The following DPP9 variants were observed in gnomAD, a reference collection of about 807,000 sequenced individuals.
DPP9 encodes the protein dipeptidyl peptidase 9.
In DPP9, 50 loss-of-function variants were observed where a neutral mutation model predicts 110.7. The ratio of observed to expected loss-of-function variants is 0.45; its 90% confidence interval spans 0.36 to 0.57. The LOEUF (loss-of-function observed/expected upper bound fraction) is 0.57, where lower values mean the gene tolerates loss of function less well. DPP9 is among the 20% of genes least tolerant of loss of function. The probability of loss-of-function intolerance (pLI) is 0.00; values close to 1 mark genes in which losing one functional copy is unlikely to be tolerated. For synonymous variants in DPP9, 561 were observed against 514.4 expected (o/e 1.09, Z -1.23); for missense variants, 1,022 against 1,217.9 (o/e 0.84, Z 2.39).
In DPP9 at chr19:4,689,826, A is replaced by G; in HGVS notation, c.1597-104T>C. The G allele has an allele frequency of 7.9e-7, 1 of 1,261,272 alleles. No homozygotes were observed. Among genetic ancestry groups the G allele is most frequent in the Non-Finnish European group, 1.1e-6 (1 of 933,706 alleles). 78.1% of individuals were successfully genotyped at this position (1,261,272 alleles called of 1,614,324 possible). A position where few individuals can be genotyped will look rare whatever the true frequency, so the allele number is the denominator to read the frequency against. On this transcript the variant is annotated intron_variant, in intron 14 of 21. Transcript: ENST00000262960. The surrounding 1 kb of genome is among the most constrained non-coding windows in gnomAD (Gnocchi z 7.0). ...GGGCCCCATGTTCCTCGGACTGGGG[A>G]CGCATGCTGTCCTCGCCCAAGTCTG... is the stretch of plus-strand genomic sequence containing the variant.
chr19:4,683,558 C>T lies in DPP9; in HGVS notation c.2250G>A (p.Leu750=), dbSNP rs1049584511. The change falls in exon 19 of 22, where the codon CTG becomes CTA. Residue 750 remains leucine (L), a synonymous_variant. Transcript: ENST00000262960. ...ACCAGCCATGGATGGCAACTCGGCTCAGGTCGATGAAGCCATACTTCTCGG... is the reference window on the plus strand; with the variant it reads ...ACCAGCCATGGATGGCAACTCGGCTTAGGTCGATGAAGCCATACTTCTCGG... ...FVAEKYGFID[L]SRVAIHGWSY... is the part of the protein sequence containing the mutation. The T allele has an allele frequency of 5.6e-6, 9 of 1,613,334 alleles. No homozygotes were observed. The highest frequency in any genetic ancestry group is 7.6e-6 in the Non-Finnish European group (9 of 1,179,866).
At chr19:4,703,363 G>C (rs2092402169) in intron 7 of DPP9, among the ~76,000 whole-genome samples, 1 of 151,664 alleles carries the variant, frequency 6.6e-6, no homozygotes, top group African/African-American at 2.4e-5. Flanking sequence ...GGTAGCTCAT[G>C]CCTGTAATCT....
chr19:4,677,773 C>A (rs374889112), intron 21 of DPP9, among the ~76,000 whole-genome samples: 11 of 152,208 alleles, frequency 7.2e-5, no homozygotes, highest in African/African-American at 2.7e-4. Flanking sequence ...TGCCTTTATG[C>A]CACTCTGGGT....
chr19:4,685,872 C>T lies in DPP9; in HGVS notation c.1886-101G>A. 7.2e-7 allele frequency: 1 copy of T among 1,385,032 alleles called. No individual in the cohort carries two copies. Among genetic ancestry groups the T allele is most frequent in the Non-Finnish European group, 9.7e-7 (1 of 1,026,656 alleles). 85.8% of individuals were successfully genotyped at this position (1,385,032 alleles called of 1,614,324 possible). A position where few individuals can be genotyped will look rare whatever the true frequency, so the allele number is the denominator to read the frequency against. On this transcript the variant is annotated intron_variant, in intron 16 of 21. Coordinates refer to ENST00000262960, the MANE Select transcript of DPP9 (RefSeq NM_139159.5). The surrounding 1 kb of genome is among the most constrained non-coding windows in gnomAD (Gnocchi z 5.8). ...CCAAGCCTTGGAGGGTGGACCAAAG[C>T]ACCCCCTCTTTTCCTGGGCTTCCCG... is the stretch of plus-strand genomic sequence containing the variant.
chr19:4,694,586 C>T lies in DPP9; in HGVS notation c.1516+75G>A, dbSNP rs2091624216. On this transcript the variant is annotated intron_variant, in intron 13 of 21. Coordinates refer to ENST00000262960, the MANE Select transcript of DPP9 (RefSeq NM_139159.5). The surrounding 1 kb of genome is among the most constrained non-coding windows in gnomAD (Gnocchi z 4.0). ...TGTGCTGGCTGAGTGGGGGGGCCGACCAATGAACAAACAGCATATTGAACC... is the reference window on the plus strand; with the variant it reads ...TGTGCTGGCTGAGTGGGGGGGCCGATCAATGAACAAACAGCATATTGAACC... 6 of 1,531,456 alleles carry T rather than the reference C, an allele frequency of 3.9e-6. No individual in the cohort carries two copies. Among genetic ancestry groups the T allele is most frequent in the East Asian group, 2.4e-5 (1 of 41,088 alleles). The allele number at this position is 1,531,456 out of a possible 1,614,324, so 94.9% of individuals were successfully genotyped here. A position where few individuals can be genotyped will look rare whatever the true frequency, so the allele number is the denominator to read the frequency against.
rs369926672 is a variant in DPP9, at chr19:4,722,599, C to T, written c.-88-48G>A. 3 of 701,860 alleles carry T rather than the reference C, an allele frequency of 4.3e-6. No homozygotes were observed. The South Asian group carries it at 4.4e-5, about 10-fold the overall frequency. The allele number at this position is 701,860 out of a possible 1,614,324, so 43.5% of individuals were successfully genotyped here. On this transcript the variant is annotated intron_variant, in intron 1 of 21. Transcript: ENST00000262960. ...GAATGTGGCAGGTTAATGGAAGCAC[C>T]GGCCAGCCGTTCAGCCTCCCCCACT... is the stretch of plus-strand genomic sequence containing the variant.
rs1568336054 is a variant in DPP9, at chr19:4,718,293, TG to T, written c.56+1557del. Among the ~76,000 whole-genome samples the T allele has an allele frequency of 6.6e-6, 1 of 151,782 alleles. No individual in the cohort carries two copies. Among genetic ancestry groups the T allele is most frequent in the East Asian group, 1.9e-4 (1 of 5,156 alleles). On this transcript the variant is annotated intron_variant, in intron 3 of 21. Coordinates refer to ENST00000262960, the MANE Select transcript of DPP9 (RefSeq NM_139159.5). This position sits in a 1 kb window ranked among gnomAD's most constrained non-coding sequence, Gnocchi z 4.3. ...GCGGGGGCGGGGGAGTAGTTGGAGA[TG>T]GGGGAAGTATTTGGACGCCTAGAAG...
At chr19:4,699,565 G>A (rs2092086622) in intron 10 of DPP9, among the ~76,000 whole-genome samples, 2 of 152,110 alleles carry the variant, frequency 1.3e-5, no homozygotes, top group Admixed American at 1.3e-4. Flanking sequence ...AGGGAGATGC[G>A]GTCACAGGTG....
At chr19:4,691,310 CAAA>C (rs905650905) in intron 13 of DPP9, among the ~76,000 whole-genome samples, 2 of 144,518 alleles carry the variant, frequency 1.4e-5, no homozygotes, top group African/African-American at 5.1e-5. Flanking sequence ...CCTGTCTCTC[CAAA>C]AAAAAAAGAA....
At chr19:4,679,812 C>T (rs764917837) in intron 21 of DPP9, 23 bp downstream of exon 21, 11 of 1,558,502 alleles carry the variant, frequency 7.1e-6, no homozygotes, top group Non-Finnish European at 9.6e-6. Flanking sequence ...GCGGAGGGGC[C>T]GAAGCCCCCA....
chr19:4,676,481 GGGCCACT>G lies in DPP9; in HGVS notation c.*76_*82del. On this transcript the variant is annotated 3_prime_UTR_variant, in exon 22 of 22. Transcript: ENST00000262960. The surrounding 1 kb of genome is among the most constrained non-coding windows in gnomAD (Gnocchi z 4.0). Reference sequence around the variant, plus strand: ...GACAAAGTGCCTCACTGGGGCCCGCGGGCCACTCAGTCCCTCCCGCCTGGTTCCCCGC... The same window carrying G: ...GACAAAGTGCCTCACTGGGGCCCGCGCAGTCCCTCCCGCCTGGTTCCCCGC... The G allele has an allele frequency of 8.0e-7, 1 of 1,249,226 alleles. No individual in the cohort carries two copies. 77.4% of individuals were successfully genotyped at this position (1,249,226 alleles called of 1,614,324 possible).
Position 4,687,450 on chromosome 19 carries a change from T to C in DPP9, c.1885+1307A>G, listed in dbSNP as rs777099468. On this transcript the variant is annotated intron_variant, in intron 16 of 21. Transcript: ENST00000262960. The surrounding 1 kb of genome is among the most constrained non-coding windows in gnomAD (Gnocchi z 4.7). ...AACACTTCATGGTGATACGCTGATG[T>C]GTGTGACGGAGCCAGCACTGGAACC... Among the ~76,000 whole-genome samples the C allele has an allele frequency of 6.6e-6, 1 of 152,212 alleles. No individual in the cohort carries two copies. Among genetic ancestry groups the C allele is most frequent in the African/African-American group, 2.4e-5 (1 of 41,458 alleles).
intron 4 of DPP9, among the ~76,000 whole-genome samples, chr19:4,711,911 G>A (rs879600755): frequency 1.1e-4 from 17 of 151,528 alleles, no homozygotes; most frequent in African/African-American, 1.9e-4. Flanking sequence ...GATGCTGGCC[G>A]CCACCAGAAG....
intron 4 of DPP9, among the ~76,000 whole-genome samples, chr19:4,713,370 A>T (rs764491705): frequency 3.3e-5 from 5 of 152,244 alleles, no homozygotes; most frequent in Non-Finnish European, 5.9e-5. Flanking sequence ...CAGTGGCTGC[A>T]GAAGCTGCTG....
At chr19:4,701,879 C>A in intron 9 of DPP9, 148 bp downstream of exon 9, 1 of 1,159,136 alleles carries the variant, frequency 8.6e-7, no homozygotes, top group Non-Finnish European at 1.2e-6. Flanking sequence ...GCGGCCCCTG[C>A]AGGGCAGAAG....
chr19:4,700,022 G>A lies in DPP9; in HGVS notation c.1074+194C>T, dbSNP rs988839328. Among the ~76,000 whole-genome samples the A allele has an allele frequency of 4.6e-5, 7 of 152,190 alleles. No homozygotes were observed. The highest frequency in any genetic ancestry group is 3.3e-4 in the Admixed American group (5 of 15,284). On this transcript the variant is annotated intron_variant, in intron 10 of 21. Coordinates refer to ENST00000262960, the MANE Select transcript of DPP9 (RefSeq NM_139159.5). The surrounding 1 kb of genome is among the most constrained non-coding windows in gnomAD (Gnocchi z 4.3). Reference sequence around the variant, plus strand: ...CTCTGTGAGGCAGGGAGGCCAGCTCGCCACGCCGCATTCTAGGCACAGGTC... The same window carrying A: ...CTCTGTGAGGCAGGGAGGCCAGCTCACCACGCCGCATTCTAGGCACAGGTC...
At chr19:4,711,578 G>A (rs941532114) in intron 4 of DPP9, among the ~76,000 whole-genome samples, 1 of 151,968 alleles carries the variant, frequency 6.6e-6, no homozygotes, top group African/African-American at 2.4e-5. Flanking sequence ...TTTGAGACCA[G>A]CCTGGCCAAC....
chr19:4,691,879 T>C (rs538314815), intron 13 of DPP9, among the ~76,000 whole-genome samples: 1 of 151,880 alleles, frequency 6.6e-6, no homozygotes, highest in Non-Finnish European at 1.5e-5. Flanking sequence ...GGTTTCACCA[T>C]GTTGGTCAGG....
intron 3 of DPP9, among the ~76,000 whole-genome samples, chr19:4,714,942 A>G (rs565478738): frequency 6.6e-6 from 1 of 150,940 alleles, no homozygotes; most frequent in Non-Finnish European, 1.5e-5. Context: ...GGGCCTTTGC[A>G]CATGCTGGCC....
Sources: gnomAD v4.1 joint callset for allele counts (sites outside exome capture counted in the v4.1 genomes callset) on GRCh38, gnomAD v4.1.1 for gene constraint, Gnocchi (gnomAD v3.1) non-coding constraint, MANE v1.5 for transcripts, NCBI Gene and HGNC (gene_info 2026-07-23, HGNC 2026-07-21) for gene names.